JAKMIP2: variants seen among roughly 807,000 people sequenced by gnomAD.
The protein encoded by JAKMIP2 is janus kinase and microtubule-interacting protein 2.
JAKMIP2 carries 25 observed loss-of-function variants against 115.0 expected under a neutral mutation model. The ratio of observed to expected loss-of-function variants is 0.22; its 90% CI spans 0.16 to 0.30. JAKMIP2 has a LOEUF of 0.30. Among genes scored for constraint, JAKMIP2 ranks in the 10% least tolerant of loss-of-function variants. The pLI is 1.00. For missense variants in JAKMIP2, 642 were observed against 957.6 expected, an observed-to-expected ratio of 0.67 and a Z score of 4.35; for synonymous variants, 334 against 343.6, an observed-to-expected ratio of 0.97 and a Z score of 0.31.
chr5:147,747,370 G>A (rs1035218629), intron 1 of JAKMIP2, among the ~76,000 whole-genome samples: 1 of 152,102 alleles, frequency 6.6e-6, no homozygotes, highest in Non-Finnish European at 1.5e-5. Context: ...TCTGTTCTGA[G>A]GGTAAATTAA....
At chr5:147,762,317 A>G (rs1035440156) in intron 1 of JAKMIP2, among the ~76,000 whole-genome samples, 7 of 152,092 alleles carry the variant, frequency 4.6e-5, no homozygotes, top group African/African-American at 1.7e-4. Context: ...CTAATGTTAG[A>G]TTGTACTCTT....
intron 1 of JAKMIP2, among the ~76,000 whole-genome samples, chr5:147,705,468 T>C (rs544478392): frequency 6.6e-6 from 1 of 151,998 alleles, no homozygotes; most frequent in East Asian, 1.9e-4. Context: ...CCGAGAATCA[T>C]TTGAGCCATG....
At chr5:147,777,532 A>G (rs2078171088) in intron 1 of JAKMIP2, among the ~76,000 whole-genome samples, 1 of 152,146 alleles carries the variant, frequency 6.6e-6, no homozygotes, top group South Asian at 2.1e-4. Context: ...AACAGTAATG[A>G]TTTCTTGATG....
intron 1 of JAKMIP2, among the ~76,000 whole-genome samples, chr5:147,683,274 G>A (rs934591619): frequency 1.3e-5 from 2 of 152,144 alleles, no homozygotes; most frequent in Non-Finnish European, 2.9e-5. Context: ...CAGATCACTT[G>A]AGGTCAGATC....
At chr5:147,626,791 A>G (rs1173780347) in intron 16 of JAKMIP2, among the ~76,000 whole-genome samples, 1 of 151,938 alleles carries the variant, frequency 6.6e-6, no homozygotes, top group East Asian at 1.9e-4. Context: ...CACCTCCTCA[A>G]TCCTCATCTT....
intron 3 of JAKMIP2, among the ~76,000 whole-genome samples, chr5:147,660,216 T>C (rs1408151954): frequency 6.6e-6 from 1 of 152,214 alleles, no homozygotes; most frequent in African/African-American, 2.4e-5. Flanking sequence ...ATTTGTATTA[T>C]ATTTAAGCAT....
intron 1 of JAKMIP2, among the ~76,000 whole-genome samples, chr5:147,730,037 T>C (rs918650813): frequency 6.6e-6 from 1 of 152,164 alleles, no homozygotes. Flanking sequence ...ATGATTCCAA[T>C]TATTAAATAA....
chr5:147,675,025 A>C (rs528602222), intron 1 of JAKMIP2, among the ~76,000 whole-genome samples: 1 of 152,322 alleles, frequency 6.6e-6, no homozygotes, highest in East Asian at 1.9e-4. Context: ...AAACGTTACT[A>C]TTGTTTTGAA....
At chr5:147,675,182 ATATATT>A (rs1759868263) in intron 1 of JAKMIP2, among the ~76,000 whole-genome samples, 2 of 152,176 alleles carry the variant, frequency 1.3e-5, no homozygotes, top group Admixed American at 6.5e-5. Context: ...GCCGGACTTT[ATATATT>A]TTTAGCCTGG....
chr5:147,705,371 G>T (rs1012982418), intron 1 of JAKMIP2, among the ~76,000 whole-genome samples: 1 of 152,152 alleles, frequency 6.6e-6, no homozygotes, highest in African/African-American at 2.4e-5. Context: ...GGGAGGTCGA[G>T]GTGGATGGAT....
intron 1 of JAKMIP2, among the ~76,000 whole-genome samples, chr5:147,740,302 GA>G (rs1754095336): frequency 6.6e-6 from 1 of 152,178 alleles, no homozygotes; most frequent in Admixed American, 6.5e-5. Flanking sequence ...ACTAATCACA[GA>G]TATAAAGAAG....
At chr5:147,632,656 T>C (rs1346872576) in intron 13 of JAKMIP2, 24 bp downstream of exon 13, 3 of 1,401,728 alleles carry the variant, frequency 2.1e-6, no homozygotes, top group Non-Finnish European at 2.0e-6. Flanking sequence ...ATTATTTTTA[T>C]TATTATCATC....
chr5:147,762,676 T>A (rs1754970675), intron 1 of JAKMIP2, among the ~76,000 whole-genome samples: 1 of 152,168 alleles, frequency 6.6e-6, no homozygotes, highest in Non-Finnish European at 1.5e-5. Context: ...CTAAAGGGCC[T>A]ATCTCCAAAT....
intron 4 of JAKMIP2, among the ~76,000 whole-genome samples, chr5:147,649,864 T>C (rs997729234): frequency 9.9e-5 from 15 of 152,162 alleles, no homozygotes; most frequent in African/African-American, 3.6e-4. Flanking sequence ...TGAAAATTCA[T>C]GGAAATAAGT....
chr5:147,751,981 TAC>T (rs1284987859), intron 1 of JAKMIP2, among the ~76,000 whole-genome samples: 2 of 152,088 alleles, frequency 1.3e-5, no homozygotes, highest in African/African-American at 4.8e-5. Context: ...AGTATGAAAA[TAC>T]AGACTACCAT....
intron 21 of JAKMIP2, 30 bp from the exon 22 acceptor site, chr5:147,591,716 A>G (rs77301397): frequency 0.14 from 190,720 of 1,409,162 alleles, 15,558 homozygotes; most frequent in South Asian, 0.29. Flanking sequence ...AATTATTTAT[A>G]TATCAATTTT....
At chr5:147,727,438 A>G (rs900787630) in intron 1 of JAKMIP2, among the ~76,000 whole-genome samples, 2 of 152,224 alleles carry the variant, frequency 1.3e-5, no homozygotes, top group African/African-American at 4.8e-5. Flanking sequence ...CAGAGGCCTC[A>G]GGAAACTTAC....
At chr5:147,599,442 C>G (rs1006741111) in intron 21 of JAKMIP2, among the ~76,000 whole-genome samples, 3 of 152,144 alleles carry the variant, frequency 2.0e-5, no homozygotes, top group African/African-American at 7.2e-5. Context: ...ACTGCATATG[C>G]AATATATTTA....
At chr5:147,674,660 C>T (rs1759830919) in intron 1 of JAKMIP2, among the ~76,000 whole-genome samples, 1 of 152,160 alleles carries the variant, frequency 6.6e-6, no homozygotes, top group Non-Finnish European at 1.5e-5. Context: ...ACAACGAGCC[C>T]ATCATTGGAC....
Sources: allele counts gnomAD v4.1 joint callset (sites outside exome capture counted in the v4.1 genomes callset), GRCh38; gene constraint gnomAD v4.1.1; transcripts MANE v1.5; gene names NCBI Gene and HGNC (gene_info 2026-07-23, HGNC 2026-07-21).